RYR3: variants seen among roughly 807,000 people sequenced by gnomAD.
The protein encoded by RYR3 is brain ryanodine receptor-calcium release channel.
Under a neutral mutation model 584.3 loss-of-function variants are expected in RYR3, and 207 were observed. That is an observed-to-expected ratio of 0.35 (90% CI 0.32 to 0.40). The LOEUF (loss-of-function observed/expected upper bound fraction) is 0.40, where lower values mean the gene tolerates loss of function less well. Among genes scored for constraint, RYR3 ranks in the 10% least tolerant of loss-of-function variants. The pLI is 1.00. For missense variants in RYR3, 5,616 were observed against 6,089.2 expected (o/e 0.92, Z 2.59); for synonymous variants, 2,416 against 2,248.5 (o/e 1.07, Z -2.11).
intron 28 of RYR3, among the ~76,000 whole-genome samples, chr15:33,645,841 T>TG (rs2062072002): frequency 1.3e-5 from 2 of 152,010 alleles, no homozygotes; most frequent in Non-Finnish European, 2.9e-5. Context: ...TCCAGGAGCC[T>TG]CAGCCTTCAG....
At chr15:33,705,100 T>TG (rs1491190015) in intron 42 of RYR3, among the ~76,000 whole-genome samples, 2 of 103,084 alleles carry the variant, frequency 1.9e-5, no homozygotes, top group African/African-American at 3.5e-5. Context: ...ACACACACTC[T>TG]TTCTCTCTCT....
chr15:33,572,688 C>CACAT (rs368204203), intron 12 of RYR3, among the ~76,000 whole-genome samples: 20,959 of 130,574 alleles, frequency 0.16, 2,345 homozygotes, highest in Middle Eastern at 0.34. Flanking sequence ...CACACACACA[C>CACAT]ACTGGGCTGG....
intron 1 of RYR3, among the ~76,000 whole-genome samples, chr15:33,449,328 A>G (rs1415154571): frequency 6.6e-6 from 1 of 152,158 alleles, no homozygotes; most frequent in African/African-American, 2.4e-5. Context: ...CCCCCTCCGT[A>G]AGGCAGTGGA....
Position 33,530,585 on chromosome 15 carries a change from C to G in RYR3, c.280-7C>G, listed in dbSNP as rs2304386. 1.6e-3 allele frequency: 2,510 copies of G among 1,607,916 alleles called. 54 individuals carry two copies. The East Asian group carries it at 0.044, about 28-fold the overall frequency. ...TGTGCTGACCTTATTCTTCCTCATT[C>G]CCACAGGCAGCACAAGGAGGTGGCC... is the stretch of plus-strand genomic sequence containing the variant. On this transcript the variant is annotated splice_polypyrimidine_tract_variant and splice_region_variant and intron_variant, in intron 3 of 103. Transcript: ENST00000634891.
At chr15:33,426,707 T>A (rs2044682475) in intron 1 of RYR3, among the ~76,000 whole-genome samples, 1 of 152,196 alleles carries the variant, frequency 6.6e-6, no homozygotes, top group South Asian at 2.1e-4. Context: ...GGAATCTTAG[T>A]CTTATTTACT....
intron 2 of RYR3, among the ~76,000 whole-genome samples, chr15:33,501,635 A>G (rs1409539400): frequency 6.6e-6 from 1 of 152,204 alleles, no homozygotes; most frequent in Non-Finnish European, 1.5e-5. Flanking sequence ...AAATTCAGGT[A>G]GGCAGAGTGG....
At chr15:33,644,097 C>T (rs62010545) in intron 27 of RYR3, among the ~76,000 whole-genome samples, 1 of 152,198 alleles carries the variant, frequency 6.6e-6, no homozygotes, top group Non-Finnish European at 1.5e-5. Context: ...GAACCAAGCT[C>T]TCTTATCTTT....
At chr15:33,834,092 G>A (rs1029054543) in intron 86 of RYR3, among the ~76,000 whole-genome samples, 8 of 152,014 alleles carry the variant, frequency 5.3e-5, no homozygotes, top group African/African-American at 1.9e-4. Context: ...GACCAACCTG[G>A]CCAATGTGAC....
chr15:33,329,017 C>T (rs1970070718), intron 1 of RYR3, among the ~76,000 whole-genome samples: 1 of 152,102 alleles, frequency 6.6e-6, no homozygotes, highest in South Asian at 2.1e-4. Context: ...TGAAGTACTC[C>T]AGTTAAAGGA....
chr15:33,504,454 A>G (rs1425410229), intron 3 of RYR3, among the ~76,000 whole-genome samples: 2 of 152,064 alleles, frequency 1.3e-5, no homozygotes, highest in African/African-American at 2.4e-5. Context: ...ATTTCTCTCC[A>G]CCATCCTCAA....
intron 1 of RYR3, among the ~76,000 whole-genome samples, chr15:33,395,965 T>C (rs555944612): frequency 2.2e-4 from 33 of 152,286 alleles, no homozygotes; most frequent in African/African-American, 7.9e-4. Context: ...AACCCACGCA[T>C]ACAGAGGGCC....
chr15:33,587,024 G>A (rs2058886158), intron 16 of RYR3, among the ~76,000 whole-genome samples: 1 of 139,150 alleles, frequency 7.2e-6, no homozygotes, highest in Non-Finnish European at 1.7e-5. Flanking sequence ...CATCATCTGG[G>A]GGGACTGCGT....
At chr15:33,705,259 C>T (rs2066615418) in intron 42 of RYR3, among the ~76,000 whole-genome samples, 1 of 152,068 alleles carries the variant, frequency 6.6e-6, no homozygotes, top group Non-Finnish European at 1.5e-5. Flanking sequence ...GAACTCTAAG[C>T]AGAATATTAT....
chr15:33,737,717 T>G (rs984598224), intron 49 of RYR3, among the ~76,000 whole-genome samples: 5 of 152,214 alleles, frequency 3.3e-5, no homozygotes, highest in African/African-American at 1.2e-4. Context: ...CATCTTAATT[T>G]GGTATTGCTT....
At chr15:33,818,104 G>T (rs2076914097) in intron 75 of RYR3, among the ~76,000 whole-genome samples, 1 of 152,156 alleles carries the variant, frequency 6.6e-6, no homozygotes, top group African/African-American at 2.4e-5. Flanking sequence ...AATAGTATTA[G>T]ACCCAAAATG....
At chr15:33,319,962 AG>A (rs1968729700) in intron 1 of RYR3, among the ~76,000 whole-genome samples, 1 of 152,178 alleles carries the variant, frequency 6.6e-6, no homozygotes, top group Admixed American at 6.5e-5. Context: ...GGGGTCAAGC[AG>A]GTAGCTAAAT....
chr15:33,692,984 A>G (rs903502858), intron 38 of RYR3, among the ~76,000 whole-genome samples: 3 of 152,176 alleles, frequency 2.0e-5, no homozygotes, highest in African/African-American at 4.8e-5. Flanking sequence ...CAGGTTAGCA[A>G]TTCCACCAGA....
At chr15:33,637,108 A>C (rs2061538834) in intron 27 of RYR3, among the ~76,000 whole-genome samples, 1 of 152,224 alleles carries the variant, frequency 6.6e-6, no homozygotes, top group African/African-American at 2.4e-5. Context: ...AATAGACCAC[A>C]GTCAGGGGCA....
At chr15:33,779,748 G>A (rs139733914) in intron 64 of RYR3, among the ~76,000 whole-genome samples, 131 of 152,164 alleles carry the variant, frequency 8.6e-4, no homozygotes, top group Non-Finnish European at 1.3e-3. Context: ...CACGCCTGTA[G>A]TCCCAGCACT....
Sources: allele counts gnomAD v4.1 joint callset (sites outside exome capture counted in the v4.1 genomes callset), GRCh38; gene constraint gnomAD v4.1.1; transcripts MANE v1.5; gene names NCBI Gene and HGNC (gene_info 2026-07-23, HGNC 2026-07-21).